Variants in PRPF8 observed in about 807,000 individuals in gnomAD.
PRPF8 encodes pre-mRNA-processing-splicing factor 8.
PRPF8 carries 64 observed loss-of-function variants against 285.9 expected under a neutral mutation model. That is an observed-to-expected ratio of 0.22 (90% CI 0.18 to 0.28). The LOEUF is 0.28. Among genes scored for constraint, PRPF8 ranks in the 10% least tolerant of loss-of-function variants. PRPF8 has a pLI of 1.00. For missense variants in PRPF8, 1,426 were observed against 3,026.7 expected, an observed-to-expected ratio of 0.47 and a Z score of 12.41; for synonymous variants, 1,325 against 1,118.2, an observed-to-expected ratio of 1.18 and a Z score of -3.69.
chr17:1,679,808 G>C lies in PRPF8; in HGVS notation c.1099-9C>G, dbSNP rs1165186506. ...GGCAATGGTTCCTGGCTCTGAAAAA[G>C]GAATCCCTCTAAGGGTTTAGCTCCT... On this transcript the variant is annotated splice_polypyrimidine_tract_variant and intron_variant, in intron 8 of 42. Transcript: ENST00000304992. The surrounding 1 kb of genome is among the most constrained non-coding windows in gnomAD (Gnocchi z 4.7). The C allele has an allele frequency of 6.2e-7, 1 of 1,614,148 alleles. No homozygotes were observed. The highest frequency in any genetic ancestry group is 8.5e-7 in the Non-Finnish European group (1 of 1,180,012).
chr17:1,677,366 C>T, intron 14 of PRPF8, 194 bp from the exon 15 acceptor site: 1 of 967,214 alleles, frequency 1.0e-6, no homozygotes, highest in Non-Finnish European at 1.6e-6. Context: ...ATTTCCACTC[C>T]TGCAAATGCA....
At position 1,652,441 on chromosome 17, in the gene PRPF8, G is replaced by C. The variant is rs1396385316; in HGVS notation, c.6370-653C>G. On this transcript the variant is annotated intron_variant, in intron 39 of 42. Transcript: ENST00000304992. ...TTTAAGAGAGACGGGGTTTCGCCAC[G>C]TTGGCCAAGCTGGTCTTGAACTCCT... Among the ~76,000 whole-genome samples, 3 of 152,150 alleles carry C rather than the reference G, an allele frequency of 2.0e-5. No individual in the cohort carries two copies. In the South Asian group the frequency reaches 6.2e-4, roughly 32 times the overall value.
chr17:1,650,808 A>G lies in PRPF8; in HGVS notation c.7002T>C (p.Tyr2334=), dbSNP rs757906173. 6.2e-7 allele frequency: 1 copy of G among 1,614,046 alleles called. No individual in the cohort carries two copies. Among genetic ancestry groups the G allele is most frequent in the South Asian group, 1.1e-5 (1 of 91,072 alleles). ...EVYSADREDL[Y]A ...GCAGGAGGCAGGGAAACGGTCAGGC[A>G]TACAGGTCCTCCCGATCCGCAGAGT... The change falls in exon 43 of 43, where the codon TAT becomes TAC. Residue 2334 remains tyrosine, a synonymous_variant. Coordinates refer to ENST00000304992, the MANE Select transcript of PRPF8 (RefSeq NM_006445.4).
At position 1,661,235 on chromosome 17, in the gene PRPF8, T is replaced by C; in HGVS notation, c.4338+36A>G. The C allele has an allele frequency of 6.2e-7, 1 of 1,614,130 alleles. No homozygotes were observed. The highest frequency in any genetic ancestry group is 8.5e-7 in the Non-Finnish European group (1 of 1,180,024). On this transcript the variant is annotated intron_variant, in intron 27 of 42. Transcript: ENST00000304992. This position sits in a 1 kb window ranked among gnomAD's most constrained non-coding sequence, Gnocchi z 7.3. ...CAAGTTTCGGGGATAGCCATGGATT[T>C]TCCTGACTCAGGGAAAATCTGCTCC...
chr17:1,666,319 G>T (rs541606994), intron 24 of PRPF8, among the ~76,000 whole-genome samples: 1 of 152,146 alleles, frequency 6.6e-6, no homozygotes, highest in Non-Finnish European at 1.5e-5. Flanking sequence ...GGAGCCCAGG[G>T]GGGTGGATTA....
rs777740892 is a variant in PRPF8 at position 1,656,723 on chromosome 17, C to G, written c.5544G>C (p.Leu1848=). 6.2e-7 allele frequency: 1 copy of G among 1,614,134 alleles called. No homozygotes were observed. The change falls in exon 35 of 43, where the codon CTG becomes CTC. Residue 1848 remains leucine (L), a synonymous_variant. Transcript: ENST00000304992. Reference sequence around the variant, plus strand: ...GCTCCTCCACAGGCAGAGATCGGATCAGGGCGGCCACCTCCTCAGCTGTCT... The same window carrying G: ...GCTCCTCCACAGGCAGAGATCGGATGAGGGCGGCCACCTCCTCAGCTGTCT... The part of the protein sequence containing the change: ...KWKTAEEVAA[L]IRSLPVEEQP...
chr17:1,656,832 T>C lies in PRPF8; in HGVS notation c.5506-71A>G, dbSNP rs1911413582. 3.0e-6 allele frequency: 4 copies of C among 1,324,340 alleles called. No homozygotes were observed. In the Admixed American group the frequency reaches 5.7e-5, roughly 19 times the overall value. The allele number at this position is 1,324,340 out of a possible 1,614,324, so 82.0% of individuals were successfully genotyped here. A position where few individuals can be genotyped will look rare whatever the true frequency, so the allele number is the denominator to read the frequency against. On this transcript the variant is annotated intron_variant, in intron 34 of 42. Transcript: ENST00000304992. ...CCAGATCAACTAGAACAGAATATCC[T>C]AGTTTTGAAATAATCCAACTACGTT...
chr17:1,668,418 G>A (rs1011781532), intron 24 of PRPF8, among the ~76,000 whole-genome samples: 2 of 142,720 alleles, frequency 1.4e-5, no homozygotes, highest in Non-Finnish European at 3.0e-5. Context: ...CTGGAGTGCA[G>A]TGTCGCGATC....
Position 1,659,175 on chromosome 17 carries a change from A to C in PRPF8, c.5138+182T>G, listed in dbSNP as rs1042366415. The C allele has an allele frequency of 1.2e-5, 9 of 722,602 alleles. No individual in the cohort carries two copies. The highest frequency in any genetic ancestry group is 9.3e-5 in the South Asian group (6 of 64,284). The allele number at this position is 722,602 out of a possible 1,614,324, so 44.8% of individuals were successfully genotyped here. A position where few individuals can be genotyped will look rare whatever the true frequency, so the allele number is the denominator to read the frequency against. ...TGAGTAGCTGGGACTACAGGCGTGG[A>C]CCACCACGCCCAGCTAATTTTTTGT... On this transcript the variant is annotated intron_variant, in intron 32 of 42. Transcript: ENST00000304992. This position sits in a 1 kb window ranked among gnomAD's most constrained non-coding sequence, Gnocchi z 5.1.
chr17:1,681,853 A>G lies in PRPF8; in HGVS notation c.620T>C (p.Phe207Ser). The G allele has an allele frequency of 6.2e-7, 1 of 1,613,880 alleles. No individual in the cohort carries two copies. Among genetic ancestry groups the G allele is most frequent in the Non-Finnish European group, 8.5e-7 (1 of 1,180,000 alleles). The change falls in exon 5 of 43, where the codon TTC (phenylalanine) becomes TCC (serine). Residue 207 changes from phenylalanine to serine, a missense_variant. By Grantham distance (155) the Phe-to-Ser change is radical. Transcript: ENST00000304992. ...GTCCCTCAACGGCTGGTGGTCATAG[A>G]ACCAGTCCAACACAGGGGCGTCCTC... ...PEEDAPVLDW[F>S]YDHQPLRDSR...
intron 20 of PRPF8, 28 bp from the exon 21 acceptor site, chr17:1,674,708 G>T: frequency 6.3e-7 from 1 of 1,598,518 alleles, no homozygotes; most frequent in Non-Finnish European, 8.6e-7. Flanking sequence ...CAATTCTTAA[G>T]AATGTGAGCC....
intron 21 of PRPF8, 88 bp downstream of exon 21, chr17:1,674,354 T>C: frequency 7.4e-7 from 1 of 1,352,788 alleles, no homozygotes; most frequent in Non-Finnish European, 1.1e-6. Context: ...CAACAGCAGT[T>C]AAGTCAACTC....
rs1444966620 is a variant in PRPF8, at chr17:1,656,741, A to G, written c.5526T>C (p.Ala1842=). 1.2e-6 allele frequency: 2 copies of G among 1,613,964 alleles called. No individual in the cohort carries two copies. Among genetic ancestry groups the G allele is most frequent in the South Asian group, 1.1e-5 (1 of 91,066 alleles). Residue 1842 remains alanine (A), a synonymous_variant, in exon 35 of 43, where the codon GCT becomes GCC. Coordinates refer to ENST00000304992, the MANE Select transcript of PRPF8 (RefSeq NM_006445.4). ...RLGQLAKWKT[A]EEVAALIRSL... is the part of the protein sequence containing the mutation. ...ATCGGATCAGGGCGGCCACCTCCTC[A>G]GCTGTCTTCCACTTAGCCAACTTAA...
Position 1,653,917 on chromosome 17 carries a change from G to A in PRPF8, c.6087C>T (p.Ile2029=), listed in dbSNP as rs751137989. ...PSQQRQQIAE[I]EKQTKEQSQL... is the part of the protein sequence containing the mutation. ...GCGATTGTTCCTTGGTCTGCTTCTC[G>A]ATCTCAGCGATCTGCTGCCGCTGCT... is the stretch of plus-strand genomic sequence containing the variant. Residue 2029 remains isoleucine (I), a synonymous_variant, in exon 38 of 43, where the codon ATC becomes ATT. Transcript: ENST00000304992. The surrounding 1 kb of genome is among the most constrained non-coding windows in gnomAD (Gnocchi z 4.9). 1.7e-5 allele frequency: 28 copies of A among 1,613,988 alleles called. No individual in the cohort carries two copies. The highest frequency in any genetic ancestry group is 2.7e-5 in the African/African-American group (2 of 74,896).
rs2151127926 is a variant in PRPF8 at position 1,676,043 on chromosome 17, C to T, written c.2564G>A (p.Arg855Gln). The change falls in exon 18 of 43, where the codon CGG (arginine) becomes CAG (glutamine). Residue 855 changes from arginine (R) to glutamine (Q), a missense_variant. Physicochemically the swap from Arg to Gln is conservative, Grantham distance 43. Around this residue, in one of 34 missense-constraint regions of PRPF8, gnomAD observed 70 missense variants for 273.7 expected, o/e 0.26. Transcript: ENST00000304992. This position sits in a 1 kb window ranked among gnomAD's most constrained non-coding sequence, Gnocchi z 6.3. ...CTCCTCCCTCTGAGACTGGTTCAAC[C>T]GAGACTTCACACTGACAAAAGCAAT... ...RLKEAYSVKSRLNQSQREELG... is the reference protein window; with the variant it reads ...RLKEAYSVKSQLNQSQREELG... 6.2e-7 allele frequency: 1 copy of T among 1,613,146 alleles called. No homozygotes were observed. Among genetic ancestry groups the T allele is most frequent in the Non-Finnish European group, 8.5e-7 (1 of 1,180,004 alleles).
intron 34 of PRPF8, among the ~76,000 whole-genome samples, chr17:1,657,969 TAAAAAAA>T (rs58695090): frequency 4.8e-4 from 45 of 94,052 alleles, no homozygotes; most frequent in Non-Finnish European, 9.8e-4. Flanking sequence ...AGACTCCGGC[TAAAAAAA>T]AAAAAAAAAA....
Position 1,674,465 on chromosome 17 carries a change from A to G in PRPF8, c.3276T>C (p.Ile1092=). The change falls in exon 21 of 43, where the codon ATT becomes ATC. Residue 1092 remains isoleucine, a synonymous_variant. Transcript: ENST00000304992. ...ACCTGAAAAAAATATGGATGCGATC[A>G]ATGTATCTGCAGAAGAGACGGATGG... ...AHPIRLFCRY[I]DRIHIFFRFT... 1.2e-6 allele frequency: 2 copies of G among 1,614,176 alleles called. No homozygotes were observed. The highest frequency in any genetic ancestry group is 1.3e-5 in the African/African-American group (1 of 75,056).
intron 37 of PRPF8, chr17:1,654,611 C>T (rs2151111849): frequency 5.6e-6 from 1 of 179,968 alleles, no homozygotes; most frequent in Non-Finnish European, 1.2e-5. Flanking sequence ...TATCTCTCTT[C>T]CTCGAGACTC....
In PRPF8 at chr17:1,680,723, C is replaced by G; in HGVS notation, c.1098+3G>C. ...GAGGGAAAGCATCCCTTCCCTTCCT[C>G]ACCTTGACTGAGTGCCTATGGGAGA... is the stretch of plus-strand genomic sequence containing the variant. On this transcript the variant is annotated splice_donor_region_variant and intron_variant, in intron 8 of 42. Transcript: ENST00000304992. The G allele has an allele frequency of 6.2e-7, 1 of 1,609,676 alleles. No homozygotes were observed. Among genetic ancestry groups the G allele is most frequent in the Non-Finnish European group, 8.5e-7 (1 of 1,175,912 alleles).
Sources: gnomAD v4.1 joint callset for allele counts (sites outside exome capture counted in the v4.1 genomes callset) on GRCh38, gnomAD v4.1.1 for gene constraint, gnomAD v4.1.1 regional missense constraint, Gnocchi (gnomAD v3.1) non-coding constraint, MANE v1.5 for transcripts, NCBI Gene and HGNC (gene_info 2026-07-23, HGNC 2026-07-21) for gene names.